Variants in PZP observed in about 807,000 individuals in gnomAD.
PZP encodes the protein PZP alpha-2-macroglobulin like.
In PZP, 150 loss-of-function variants were observed where a neutral mutation model predicts 179.8. The observed-to-expected ratio is 0.83, with a 90% CI of 0.73 to 0.96. PZP has a LOEUF of 0.96. Ranked by LOEUF, PZP falls within the 40% of genes least tolerant of loss-of-function variation. The pLI, the probability that PZP is intolerant of heterozygous loss-of-function variation, is 0.00. For synonymous variants in PZP, 624 were observed against 652.3 expected (o/e 0.96, Z 0.66); for missense variants, 1,689 against 1,764.0 (o/e 0.96, Z 0.76).
In PZP at chr12:9,202,646, A is replaced by G. The variant is rs763017520; in HGVS notation, c.306T>C (p.Leu102=). 1.2e-6 allele frequency: 2 copies of G among 1,614,094 alleles called. No homozygotes were observed. Among genetic ancestry groups the G allele is most frequent in the South Asian group, 1.1e-5 (1 of 91,072 alleles). The change falls in exon 3 of 36, where the codon CTT becomes CTC. Residue 102 remains leucine (L), a synonymous_variant. Coordinates refer to ENST00000261336, the MANE Select transcript of PZP (RefSeq NM_002864.3). ...RISASSEVAF[L]SIQIKGPTQD... ...GCGTAGGCCCCTTTATCTGGATGCTAAGGAATGCCACCTCTGAAGAGGCTG... is the reference window on the plus strand; with the variant it reads ...GCGTAGGCCCCTTTATCTGGATGCTGAGGAATGCCACCTCTGAAGAGGCTG...
At chr12:9,182,396 T>C (rs996174653) in intron 13 of PZP, among the ~76,000 whole-genome samples, 12 of 143,594 alleles carry the variant, frequency 8.4e-5, no homozygotes, top group African/African-American at 3.1e-4. Context: ...ATCAATTAAA[T>C]ATCAGTAGCT....
rs768521263 is a variant in PZP, at chr12:9,203,931, G to C, written c.104C>G (p.Pro35Arg). ...AGGGGCCTCAGTGTGGAGCAGGGAGGGGACCAGCACCATATACTGCCTGGG... is the reference window on the plus strand; with the variant it reads ...AGGGGCCTCAGTGTGGAGCAGGGAGCGGACCAGCACCATATACTGCCTGGG... ...STEPQYMVLV[P>R]SLLHTEAPKK... is the part of the protein sequence containing the mutation. The change falls in exon 2 of 36, where the codon CCC becomes CGC. Residue 35 changes from proline to arginine, a missense_variant. This residue lies in a region of PZP where 742 missense variants were observed against 730.5 expected (regional missense o/e 1.02). Coordinates refer to ENST00000261336, the MANE Select transcript of PZP (RefSeq NM_002864.3). 1 of 1,613,676 alleles carries C rather than the reference G, an allele frequency of 6.2e-7. No individual in the cohort carries two copies. Among genetic ancestry groups the C allele is most frequent in the Non-Finnish European group, 8.5e-7 (1 of 1,179,682 alleles).
chr12:9,150,787 T>A (rs776151193), intron 33 of PZP, 41 bp from the exon 34 acceptor site: 1 of 1,242,782 alleles, frequency 8.0e-7, no homozygotes, highest in Non-Finnish European at 1.2e-6. Context: ...CTAGAAAACC[T>A]CCTTCTTTCT....
rs1230635516 is a variant in PZP at position 9,181,065 on chromosome 12, G to A, written c.1757C>T (p.Ala586Val). Residue 586 changes from alanine (A) to valine (V), a missense_variant, in exon 15 of 36, where the codon GCT becomes GTT. Around this residue, in one of 3 missense-constraint regions of PZP, gnomAD observed 742 missense variants for 730.5 expected, o/e 1.02. Transcript: ENST00000261336. ...ASHAHLQVAA[A>V]PQSLCALRAV... Reference sequence around the variant, plus strand: ...ACGAAGGGCACAGAGGGACTGCGGAGCAGCTGCTACTTGCAGGTGGGCATG... The same window carrying A: ...ACGAAGGGCACAGAGGGACTGCGGAACAGCTGCTACTTGCAGGTGGGCATG... 1.9e-6 allele frequency: 3 copies of A among 1,614,084 alleles called. No homozygotes were observed. The highest frequency in any genetic ancestry group is 2.7e-5 in the African/African-American group (2 of 74,938).
intron 8 of PZP, 84 bp from the exon 9 acceptor site, chr12:9,196,769 G>T: frequency 2.4e-6 from 3 of 1,228,946 alleles, no homozygotes; most frequent in Non-Finnish European, 3.5e-6. Context: ...CTAATGACAA[G>T]AAAACTTTTT....
intron 13 of PZP, among the ~76,000 whole-genome samples, chr12:9,182,990 C>T (rs1942868670): frequency 6.6e-6 from 1 of 152,168 alleles, no homozygotes; most frequent in Non-Finnish European, 1.5e-5. Context: ...TTTCCAGTAA[C>T]ATATTCTTGG....
rs1402231103 is a variant in PZP, at chr12:9,153,256, C to A, written c.3862G>T (p.Asp1288Tyr). Residue 1288 changes from aspartate to tyrosine, a missense_variant, in exon 30 of 36, where the codon GAT (aspartate) becomes TAT (tyrosine). Transcript: ENST00000261336. Reference sequence around the variant, plus strand: ...AAATTTGTAGAAAAGGTCTGTGAATCCTGAACGGTGACCTGTGCAGTTTTC... The same window carrying A: ...AAATTTGTAGAAAAGGTCTGTGAATACTGAACGGTGACCTGTGCAGTTTTC... ...TEKTAQVTVQDSQTFSTNFQV... is the reference protein window; with the variant it reads ...TEKTAQVTVQYSQTFSTNFQV... 1 of 1,614,178 alleles carries A rather than the reference C, an allele frequency of 6.2e-7. No homozygotes were observed.
At chr12:9,186,610 A>G (rs937841070) in intron 13 of PZP, among the ~76,000 whole-genome samples, 1 of 151,772 alleles carries the variant, frequency 6.6e-6, no homozygotes, top group Non-Finnish European at 1.5e-5. Context: ...CCACATGCCC[A>G]TCAATGATAG....
intron 13 of PZP, among the ~76,000 whole-genome samples, chr12:9,184,830 GC>G (rs1565651739): frequency 6.6e-6 from 1 of 152,164 alleles, no homozygotes; most frequent in Non-Finnish European, 1.5e-5. Flanking sequence ...TGCCTCCACT[GC>G]CCCCAAATCT....
chr12:9,196,281 T>C (rs1943766276), intron 10 of PZP, 49 bp downstream of exon 10: 1 of 1,314,178 alleles, frequency 7.6e-7, no homozygotes, highest in African/African-American at 1.4e-5. Context: ...GTCCTGTGCT[T>C]AGGTGCAACT....
At chr12:9,156,154 C>A in intron 28 of PZP, 1 of 214,532 alleles carries the variant, frequency 4.7e-6, no homozygotes, top group South Asian at 8.6e-5. Flanking sequence ...GATTTTATGT[C>A]AGCTTTGATG....
At chr12:9,192,392 G>A in intron 12 of PZP, 120 bp downstream of exon 12, 2 of 1,265,264 alleles carry the variant, frequency 1.6e-6, no homozygotes, top group Non-Finnish European at 1.1e-6. Flanking sequence ...TGGAATGAAG[G>A]ACGCACAACA....
At chr12:9,159,712 G>A (rs771588391) in intron 25 of PZP, among the ~76,000 whole-genome samples, 18 of 151,624 alleles carry the variant, frequency 1.2e-4, no homozygotes, top group Non-Finnish European at 1.8e-4. Flanking sequence ...CTGCATCACC[G>A]TGGGACTCCT....
At chr12:9,178,095 T>C (rs988136322) in intron 15 of PZP, among the ~76,000 whole-genome samples, 2 of 152,210 alleles carry the variant, frequency 1.3e-5, no homozygotes, top group African/African-American at 4.8e-5. Flanking sequence ...CAAATCAAGA[T>C]CAAGAAAAAT....
At chr12:9,177,172 G>A (rs1228006622) in intron 15 of PZP, among the ~76,000 whole-genome samples, 1 of 152,166 alleles carries the variant, frequency 6.6e-6, no homozygotes, top group Non-Finnish European at 1.5e-5. Flanking sequence ...GGAAATGAGG[G>A]GACATGTCTT....
intron 17 of PZP, chr12:9,168,533 T>C: frequency 4.8e-6 from 1 of 206,530 alleles, no homozygotes; most frequent in Non-Finnish European, 9.6e-6. Flanking sequence ...TCTTTATGTT[T>C]TTTAAAATAC....
intron 15 of PZP, among the ~76,000 whole-genome samples, chr12:9,179,779 G>A (rs1256679817): frequency 6.6e-6 from 1 of 152,204 alleles, no homozygotes; most frequent in Non-Finnish European, 1.5e-5. Context: ...CTATCACGTA[G>A]GTGGGGAATC....
intron 28 of PZP, 145 bp downstream of exon 28, chr12:9,157,030 C>G: frequency 1.6e-6 from 1 of 641,666 alleles, no homozygotes; most frequent in Non-Finnish European, 2.5e-6. Context: ...CAGCCCATCA[C>G]CTGGTTATTA....
chr12:9,183,582 T>C (rs1592519533), intron 13 of PZP, among the ~76,000 whole-genome samples: 1 of 152,184 alleles, frequency 6.6e-6, no homozygotes, highest in East Asian at 1.9e-4. Flanking sequence ...TATATATTTT[T>C]GTAGAGATAG....
Sources: gnomAD v4.1 joint callset for allele counts (sites outside exome capture counted in the v4.1 genomes callset) on GRCh38, gnomAD v4.1.1 for gene constraint, gnomAD v4.1.1 regional missense constraint, MANE v1.5 for transcripts, NCBI Gene and HGNC (gene_info 2026-07-23, HGNC 2026-07-21) for gene names.